Variants in OPCML observed in about 807,000 individuals in gnomAD.
OPCML encodes opioid-binding protein/cell adhesion molecule.
In OPCML, 13 loss-of-function variants were observed where a neutral mutation model predicts 37.8. The ratio of observed to expected loss-of-function variants is 0.34; its 90% CI spans 0.22 to 0.55. The LOEUF is 0.55. Ranked by LOEUF, OPCML falls within the 20% of genes least tolerant of loss-of-function variation. The probability of loss-of-function intolerance (pLI) is 0.91; values close to 1 mark genes in which losing one functional copy is unlikely to be tolerated. For missense variants in OPCML, 341 were observed against 435.6 expected, an observed-to-expected ratio of 0.78 and a Z score of 1.93; for synonymous variants, 176 against 168.8, an observed-to-expected ratio of 1.04 and a Z score of -0.33.
At position 132,795,734 on chromosome 11, in the gene OPCML, G is replaced by A. The variant is rs538880865; in HGVS notation, c.147-138415C>T. ...CATACTGCTTGCAAAGTCCATCCAC[G>A]CTCCACTTCATGAGCTAGGTGCTAT... is the stretch of plus-strand genomic sequence containing the variant. On this transcript the variant is annotated intron_variant, in intron 2 of 7. Coordinates refer to ENST00000524381, the MANE Select transcript of OPCML (RefSeq NM_001012393.5). 3.3e-5 allele frequency among the ~76,000 whole-genome samples: 5 copies of A among 152,228 alleles called. No individual in the cohort carries two copies. In the East Asian group the frequency reaches 7.7e-4, roughly 24 times the overall value.
intron 1 of OPCML, among the ~76,000 whole-genome samples, chr11:133,495,847 G>C (rs757651005): frequency 6.6e-6 from 1 of 151,958 alleles, no homozygotes; most frequent in African/African-American, 2.4e-5. Flanking sequence ...CCCCTCTGTG[G>C]GTTGTCTGTT....
At chr11:133,442,089 T>C (rs559198625) in intron 1 of OPCML, among the ~76,000 whole-genome samples, 1 of 152,284 alleles carries the variant, frequency 6.6e-6, no homozygotes, top group East Asian at 1.9e-4. Flanking sequence ...TTATAGTGAG[T>C]AGTTTTCCTA....
intron 2 of OPCML, among the ~76,000 whole-genome samples, chr11:132,710,827 C>A (rs917427478): frequency 4.0e-5 from 6 of 151,602 alleles, no homozygotes; most frequent in Non-Finnish European, 8.8e-5. Context: ...TGCACTCCAG[C>A]CTGGATGACA....
intron 4 of OPCML, among the ~76,000 whole-genome samples, chr11:132,493,418 C>A (rs142891361): frequency 6.6e-6 from 1 of 152,332 alleles, no homozygotes; most frequent in East Asian, 1.9e-4. Context: ...ACTGATCCCC[C>A]AGGGTGTGTA....
At chr11:132,549,198 C>A (rs1372603162) in intron 3 of OPCML, among the ~76,000 whole-genome samples, 1 of 152,134 alleles carries the variant, frequency 6.6e-6, no homozygotes. Context: ...CTCTGGTCAC[C>A]CTCACTGCTC....
At chr11:132,745,231 C>T (rs933362937) in intron 2 of OPCML, among the ~76,000 whole-genome samples, 6 of 152,154 alleles carry the variant, frequency 3.9e-5, no homozygotes, top group Non-Finnish European at 8.8e-5. Flanking sequence ...TGTGGTTCAG[C>T]ATGCCAGCCG....
At chr11:133,221,281 A>T (rs916434196) in intron 1 of OPCML, among the ~76,000 whole-genome samples, 2 of 152,160 alleles carry the variant, frequency 1.3e-5, no homozygotes, top group Non-Finnish European at 2.9e-5. Flanking sequence ...TGGTCGAAGC[A>T]GGTTGGTTCG....
At chr11:132,979,875 A>T (rs1946546396) in intron 1 of OPCML, among the ~76,000 whole-genome samples, 1 of 152,190 alleles carries the variant, frequency 6.6e-6, no homozygotes, top group Non-Finnish European at 1.5e-5. Flanking sequence ...TTATAAAGGC[A>T]GGAGGAAGCC....
At chr11:133,244,473 T>A (rs1940847185) in intron 1 of OPCML, among the ~76,000 whole-genome samples, 1 of 151,850 alleles carries the variant, frequency 6.6e-6, no homozygotes, top group Non-Finnish European at 1.5e-5. Context: ...ACACACGGGG[T>A]ATAGAACAGG....
At chr11:133,391,646 A>G (rs938953487) in intron 1 of OPCML, among the ~76,000 whole-genome samples, 1 of 152,194 alleles carries the variant, frequency 6.6e-6, no homozygotes, top group Non-Finnish European at 1.5e-5. Context: ...AAGGTCAGAA[A>G]AATAAGCCTA....
chr11:132,896,789 C>T (rs928214532), intron 2 of OPCML, among the ~76,000 whole-genome samples: 1 of 152,180 alleles, frequency 6.6e-6, no homozygotes. Flanking sequence ...GTTTGCATAT[C>T]AGAGCACGGG....
chr11:133,456,604 A>G (rs1408886389), intron 1 of OPCML, among the ~76,000 whole-genome samples: 1 of 152,196 alleles, frequency 6.6e-6, no homozygotes, highest in African/African-American at 2.4e-5. Context: ...CCAGGAAAAG[A>G]CTTCTTAAAC....
At chr11:132,456,353 T>C (rs2096082794) in intron 4 of OPCML, among the ~76,000 whole-genome samples, 1 of 152,260 alleles carries the variant, frequency 6.6e-6, no homozygotes, top group African/African-American at 2.4e-5. Context: ...TTCTAATAAA[T>C]GTTAGAGGAA....
intron 2 of OPCML, among the ~76,000 whole-genome samples, chr11:132,927,108 T>G (rs931195725): frequency 1.5e-4 from 22 of 151,658 alleles, no homozygotes; most frequent in African/African-American, 4.6e-4. Flanking sequence ...GGAAAAGAAA[T>G]AGAGAGAAAG....
chr11:132,675,352 T>C (rs955643727), intron 2 of OPCML, among the ~76,000 whole-genome samples: 2 of 152,016 alleles, frequency 1.3e-5, no homozygotes, highest in Non-Finnish European at 1.5e-5. Flanking sequence ...ACACAATGTA[T>C]AGCTCTTAAT....
rs564540484 is a variant in OPCML at position 132,554,756 on chromosome 11, A to G, written c.380-25570T>C. On this transcript the variant is annotated intron_variant, in intron 3 of 7. Coordinates refer to ENST00000524381, the MANE Select transcript of OPCML (RefSeq NM_001012393.5). ...CCTAATACAAAGGAGGACCCTATGA[A>G]GGCTCTTTCCATGTGTTTATGTTAT... 1.0e-3 allele frequency among the ~76,000 whole-genome samples: 154 copies of G among 151,982 alleles called. 3 individuals are homozygous for G. The South Asian group carries it at 0.031, about 30-fold the overall frequency.
intron 1 of OPCML, among the ~76,000 whole-genome samples, chr11:132,953,772 G>A (rs1157461207): frequency 6.6e-6 from 1 of 152,162 alleles, no homozygotes; most frequent in Non-Finnish European, 1.5e-5. Context: ...CCTGCCCCCT[G>A]AGAGCTGGGG....
At chr11:133,476,458 A>G (rs956501216) in intron 1 of OPCML, among the ~76,000 whole-genome samples, 1 of 152,088 alleles carries the variant, frequency 6.6e-6, no homozygotes, top group South Asian at 2.1e-4. Flanking sequence ...AAATGGGCTC[A>G]ATTGCACAGT....
At chr11:133,366,427 C>T (rs1944541249) in intron 1 of OPCML, among the ~76,000 whole-genome samples, 1 of 152,156 alleles carries the variant, frequency 6.6e-6, no homozygotes, top group African/African-American at 2.4e-5. Flanking sequence ...CTCTTCACCC[C>T]TTCCCTATGG....
Sources: gnomAD v4.1 joint callset for allele counts (sites outside exome capture counted in the v4.1 genomes callset) on GRCh38, gnomAD v4.1.1 for gene constraint, MANE v1.5 for transcripts, NCBI Gene and HGNC (gene_info 2026-07-23, HGNC 2026-07-21) for gene names.